Variants in USP37 observed in about 807,000 individuals in gnomAD.
The protein encoded by USP37 is ubiquitin carboxyl-terminal hydrolase 37.
Under a neutral mutation model 124.0 loss-of-function variants are expected in USP37, and 27 were observed. The observed-to-expected ratio is 0.22, with a 90% CI of 0.16 to 0.30. USP37 has a LOEUF of 0.30. Ranked by LOEUF, USP37 falls within the 10% of genes least tolerant of loss-of-function variation. The pLI is 1.00. For missense variants in USP37, 889 were observed against 1,140.4 expected (o/e 0.78, Z 3.17); for synonymous variants, 365 against 388.0 (o/e 0.94, Z 0.70).
At chr2:218,508,309 G>GTTTTTTTTTTTTTT in intron 11 of USP37, among the ~76,000 whole-genome samples, 1 of 150,216 alleles carries the variant, frequency 6.7e-6, no homozygotes. Flanking sequence ...TCTTAGTCCT[G>GTTTTTTTTTTTTTT]AGTACTTACA....
rs1193769123 is a variant in USP37, at chr2:218,497,652, C to G, written c.1281+82G>C. ...CAGTGACCTCAGGTGACCTGCCCACCTAGGCCTCCCAAAGTGCTGGAATTA... is the reference window on the plus strand; with the variant it reads ...CAGTGACCTCAGGTGACCTGCCCACGTAGGCCTCCCAAAGTGCTGGAATTA... On this transcript the variant is annotated intron_variant, in intron 13 of 25. Coordinates refer to ENST00000258399, the MANE Select transcript of USP37 (RefSeq NM_020935.3). 3 of 1,566,392 alleles carry G rather than the reference C, an allele frequency of 1.9e-6. No homozygotes were observed. The African/African-American group carries it at 4.1e-5, about 21-fold the overall frequency.
chr2:218,546,319 G>A, intron 7 of USP37, 21 bp from the exon 8 acceptor site: 1 of 1,580,002 alleles, frequency 6.3e-7, no homozygotes, highest in Non-Finnish European at 8.6e-7. Flanking sequence ...CAAAGAAAAG[G>A]TTACTTTTAA....
Position 218,522,963 on chromosome 2 carries a change from AC to A in USP37, c.863+6992del, listed in dbSNP as rs1185013227. 3.9e-5 allele frequency among the ~76,000 whole-genome samples: 6 copies of A among 151,990 alleles called. No homozygotes were observed. The East Asian group carries it at 1.2e-3, about 29-fold the overall frequency. ...ACACCAGCCTGGCCAACATGGTGAA[AC>A]CCCCTTTCTACTAAGAATACAAAAA... On this transcript the variant is annotated intron_variant, in intron 10 of 25. Transcript: ENST00000258399.
At chr2:218,539,469 C>G (rs1405476885) in intron 8 of USP37, among the ~76,000 whole-genome samples, 1 of 152,058 alleles carries the variant, frequency 6.6e-6, no homozygotes, top group Non-Finnish European at 1.5e-5. Context: ...AATCCCAACA[C>G]TTTGGGAGGC....
At chr2:218,539,472 T>C (rs1157092591) in intron 8 of USP37, among the ~76,000 whole-genome samples, 1 of 151,974 alleles carries the variant, frequency 6.6e-6, no homozygotes, top group African/African-American at 2.4e-5. Flanking sequence ...CCCAACACTT[T>C]GGGAGGCTGA....
intron 10 of USP37, among the ~76,000 whole-genome samples, chr2:218,510,723 T>C (rs1689935124): frequency 6.6e-6 from 1 of 152,300 alleles, no homozygotes; most frequent in African/African-American, 2.4e-5. Flanking sequence ...CTGGGTCCGG[T>C]GGCTCACGCC....
At chr2:218,504,416 A>G (rs918895289) in intron 11 of USP37, among the ~76,000 whole-genome samples, 5 of 152,138 alleles carry the variant, frequency 3.3e-5, no homozygotes, top group Non-Finnish European at 7.4e-5. Context: ...AAAATCATCT[A>G]GCCTGTCCAT....
intron 14 of USP37, among the ~76,000 whole-genome samples, chr2:218,493,446 T>C (rs184791042): frequency 6.6e-6 from 1 of 152,284 alleles, no homozygotes; most frequent in East Asian, 1.9e-4. Flanking sequence ...TGGCACAGTG[T>C]AGAAGCTACT....
At chr2:218,524,281 T>C (rs1690827090) in intron 10 of USP37, among the ~76,000 whole-genome samples, 1 of 152,202 alleles carries the variant, frequency 6.6e-6, no homozygotes, top group Admixed American at 6.5e-5. Context: ...TCCTGTTTTG[T>C]AGAGATGGGG....
At chr2:218,544,406 A>AAAAAAAATATAT (rs1312705279) in intron 8 of USP37, among the ~76,000 whole-genome samples, 1 of 82,974 alleles carries the variant, frequency 1.2e-5, no homozygotes, top group Non-Finnish European at 2.0e-5. Flanking sequence ...AAAAAAAAAA[A>AAAAAAAATATAT]ATATATATAT....
At chr2:218,523,799 A>G (rs1690799512) in intron 10 of USP37, among the ~76,000 whole-genome samples, 1 of 152,210 alleles carries the variant, frequency 6.6e-6, no homozygotes, top group Non-Finnish European at 1.5e-5. Flanking sequence ...TCTGCAAATT[A>G]TGACAATTCT....
intron 5 of USP37, among the ~76,000 whole-genome samples, chr2:218,551,718 A>G (rs1692670946): frequency 6.6e-6 from 1 of 152,230 alleles, no homozygotes; most frequent in Admixed American, 6.5e-5. Flanking sequence ...TATGGGTAAG[A>G]TGAAATAAAA....
chr2:218,487,981 C>T (rs948528615), intron 15 of USP37, among the ~76,000 whole-genome samples: 8 of 150,976 alleles, frequency 5.3e-5, no homozygotes, highest in Non-Finnish European at 8.9e-5. Flanking sequence ...GTCAGGAGTT[C>T]GAGACCAGCC....
intron 8 of USP37, among the ~76,000 whole-genome samples, chr2:218,541,503 C>T (rs1691972807): frequency 6.6e-6 from 1 of 152,110 alleles, no homozygotes; most frequent in African/African-American, 2.4e-5. Flanking sequence ...GTCTGACAAG[C>T]ACATGGTGAC....
At chr2:218,501,519 G>C (rs1383122666) in intron 11 of USP37, among the ~76,000 whole-genome samples, 1 of 152,138 alleles carries the variant, frequency 6.6e-6, no homozygotes, top group East Asian at 1.9e-4. Flanking sequence ...ACAAAATAGA[G>C]AAAACAGCTA....
chr2:218,523,097 G>A (rs1452262114), intron 10 of USP37, among the ~76,000 whole-genome samples: 1 of 152,154 alleles, frequency 6.6e-6, no homozygotes, highest in Admixed American at 6.5e-5. Context: ...CCAACATGGT[G>A]AAACCCCGTC....
At chr2:218,517,294 A>G (rs1345432804) in intron 10 of USP37, among the ~76,000 whole-genome samples, 1 of 152,196 alleles carries the variant, frequency 6.6e-6, no homozygotes, top group African/African-American at 2.4e-5. Context: ...GTATAACAGA[A>G]TTTATCAAGA....
At chr2:218,478,591 GACC>G (rs1028205518) in intron 18 of USP37, among the ~76,000 whole-genome samples, 5 of 152,194 alleles carry the variant, frequency 3.3e-5, no homozygotes, top group African/African-American at 1.2e-4. Flanking sequence ...GAGAACAGAT[GACC>G]ATGCCAAGGT....
At chr2:218,536,312 A>C (rs1691643652) in intron 8 of USP37, among the ~76,000 whole-genome samples, 1 of 152,138 alleles carries the variant, frequency 6.6e-6, no homozygotes, top group South Asian at 2.1e-4. Flanking sequence ...GTGGCAGACA[A>C]TGCCTAAGTG....
Sources: allele counts gnomAD v4.1 joint callset (sites outside exome capture counted in the v4.1 genomes callset), GRCh38; gene constraint gnomAD v4.1.1; transcripts MANE v1.5; gene names NCBI Gene and HGNC (gene_info 2026-07-23, HGNC 2026-07-21).